Variants in FOXN3 observed in about 807,000 individuals in gnomAD.
The protein encoded by FOXN3 is forkhead box N3, also known as forkhead box protein N3.
Under a neutral mutation model 38.4 loss-of-function variants are expected in FOXN3, and 7 were observed. The observed-to-expected ratio is 0.18, with a 90% CI of 0.10 to 0.34. The LOEUF (loss-of-function observed/expected upper bound fraction) is 0.34. FOXN3 is among the 10% of genes least tolerant of loss of function. The pLI is 1.00. For missense variants in FOXN3, 456 were observed against 613.4 expected, an observed-to-expected ratio of 0.74 and a Z score of 2.71; for synonymous variants, 230 against 242.2, an observed-to-expected ratio of 0.95 and a Z score of 0.47.
intron 4 of FOXN3, among the ~76,000 whole-genome samples, chr14:89,198,230 C>T (rs1888147789): frequency 6.6e-6 from 1 of 152,176 alleles, no homozygotes; most frequent in Non-Finnish European, 1.5e-5. Context: ...ACAATGCCAT[C>T]TAACAACTAT....
At chr14:89,370,794 A>G (rs1323939137) in intron 2 of FOXN3, among the ~76,000 whole-genome samples, 1 of 152,224 alleles carries the variant, frequency 6.6e-6, no homozygotes, top group East Asian at 1.9e-4. Flanking sequence ...TAGGGTCTGC[A>G]TGGCCCGTAG....
chr14:89,488,486 A>T (rs1893498941), intron 1 of FOXN3, among the ~76,000 whole-genome samples: 1 of 151,964 alleles, frequency 6.6e-6, no homozygotes, highest in South Asian at 2.1e-4. Context: ...TCTCTACAAA[A>T]AATACAAAAC....
At chr14:89,343,203 G>A (rs1461172638) in intron 3 of FOXN3, among the ~76,000 whole-genome samples, 1 of 152,144 alleles carries the variant, frequency 6.6e-6, no homozygotes, top group Non-Finnish European at 1.5e-5. Context: ...TGCAAATTCA[G>A]CATTCTGAGT....
intron 4 of FOXN3, among the ~76,000 whole-genome samples, chr14:89,274,835 C>G (rs527477462): frequency 6.6e-6 from 1 of 152,148 alleles, no homozygotes; most frequent in Non-Finnish European, 1.5e-5. Context: ...TGTATACATC[C>G]AACAGGCTCT....
chr14:89,329,855 C>CAAAAAAAAAAAAAAAAAAAAAAA (rs57791098), intron 3 of FOXN3, among the ~76,000 whole-genome samples: 1 of 59,836 alleles, frequency 1.7e-5, no homozygotes, highest in African/African-American at 5.9e-5. Flanking sequence ...GACTCAGTCT[C>CAAAAAAAAAAAAAAAAAAAAAAA]AAAAAAAAAA....
intron 1 of FOXN3, among the ~76,000 whole-genome samples, chr14:89,561,939 G>A (rs142249300): frequency 1.2e-4 from 19 of 152,222 alleles, no homozygotes; most frequent in African/African-American, 2.9e-4. Context: ...GATTTTGAGC[G>A]TCCATGCCGT....
intron 1 of FOXN3, among the ~76,000 whole-genome samples, chr14:89,490,901 C>A (rs1381637753): frequency 6.6e-6 from 1 of 152,198 alleles, no homozygotes; most frequent in Non-Finnish European, 1.5e-5. Flanking sequence ...TATGGCGAAT[C>A]CTACAAAAGT....
intron 1 of FOXN3, among the ~76,000 whole-genome samples, chr14:89,429,044 TGAG>T (rs926430776): frequency 6.6e-6 from 1 of 152,164 alleles, no homozygotes; most frequent in African/African-American, 2.4e-5. Flanking sequence ...AAGGGCTCAG[TGAG>T]GAGGCAGCTG....
intron 2 of FOXN3, among the ~76,000 whole-genome samples, chr14:89,388,895 AG>A (rs1890860109): frequency 6.6e-6 from 1 of 152,112 alleles, no homozygotes; most frequent in Admixed American, 6.5e-5. Flanking sequence ...AGCAGAGCAC[AG>A]GCCCCGCACT....
chr14:89,571,201 G>A (rs555725952), intron 1 of FOXN3, among the ~76,000 whole-genome samples: 2 of 152,180 alleles, frequency 1.3e-5, no homozygotes, highest in Non-Finnish European at 1.5e-5. Context: ...GGGAGAGAGA[G>A]TGATTGCAAT....
chr14:89,214,749 T>A (rs1264356058), intron 4 of FOXN3, among the ~76,000 whole-genome samples: 1 of 152,258 alleles, frequency 6.6e-6, no homozygotes, highest in Non-Finnish European at 1.5e-5. Context: ...GACTGTTTTT[T>A]TCTCAGCCCA....
At chr14:89,216,845 G>A (rs116175180) in intron 4 of FOXN3, among the ~76,000 whole-genome samples, 2,411 of 152,206 alleles carry the variant, frequency 0.016, 69 homozygotes, top group African/African-American at 0.055. Flanking sequence ...GTTCCCTGCT[G>A]CGTGTGGCTG....
intron 1 of FOXN3, among the ~76,000 whole-genome samples, chr14:89,498,210 C>A (rs58556159): frequency 1.2e-5 from 1 of 81,072 alleles, no homozygotes; most frequent in Non-Finnish European, 2.2e-5. Flanking sequence ...CTCTCTCTCT[C>A]TTTTTTTTTT....
chr14:89,577,873 A>G (rs532232939), intron 1 of FOXN3, among the ~76,000 whole-genome samples: 11 of 152,326 alleles, frequency 7.2e-5, no homozygotes, highest in Non-Finnish European at 1.5e-4. Context: ...AACAGCTCCT[A>G]AAAGCCTAAA....
At chr14:89,606,296 A>T (rs1159308323) in intron 1 of FOXN3, among the ~76,000 whole-genome samples, 1 of 152,198 alleles carries the variant, frequency 6.6e-6, no homozygotes, top group Non-Finnish European at 1.5e-5. Flanking sequence ...AGATAAACAG[A>T]TGACTACTAT....
At position 89,322,499 on chromosome 14, in the gene FOXN3, C is replaced by T. The variant is rs1887924581; in HGVS notation, c.680+28173G>A. On this transcript the variant is annotated intron_variant, in intron 3 of 5. Coordinates refer to ENST00000557258, the MANE Select transcript of FOXN3 (RefSeq NM_005197.4). The stretch of plus-strand genomic sequence containing the variant: ...GCCAGGACAGACAATATGCTTGGGC[C>T]ACACAAGGACATAGTGTTCTTGTCT... Among the ~76,000 whole-genome samples, 7 of 152,032 alleles carry T rather than the reference C, an allele frequency of 4.6e-5. No individual in the cohort carries two copies. In the South Asian group the frequency reaches 1.5e-3, roughly 32 times the overall value.
intron 1 of FOXN3, among the ~76,000 whole-genome samples, chr14:89,499,380 G>A (rs1596298429): frequency 6.6e-6 from 1 of 152,114 alleles, no homozygotes; most frequent in African/African-American, 2.4e-5. Context: ...AGGTCAATTA[G>A]CCTAAAGCCA....
At chr14:89,524,450 G>C (rs1596307304) in intron 1 of FOXN3, among the ~76,000 whole-genome samples, 1 of 135,428 alleles carries the variant, frequency 7.4e-6, no homozygotes, top group South Asian at 2.5e-4. Context: ...TCCAAAGCAG[G>C]CAAAAGAAAG....
chr14:89,281,561 G>T (rs894177559), intron 3 of FOXN3, among the ~76,000 whole-genome samples: 13 of 152,192 alleles, frequency 8.5e-5, no homozygotes, highest in Middle Eastern at 3.4e-3. Flanking sequence ...GGCTTAAAAT[G>T]TTGCACTCCA....
Sources: allele counts gnomAD v4.1 joint callset (sites outside exome capture counted in the v4.1 genomes callset), GRCh38; gene constraint gnomAD v4.1.1; transcripts MANE v1.5; gene names NCBI Gene and HGNC (gene_info 2026-07-23, HGNC 2026-07-21).